Variants in TTC28 observed in about 807,000 individuals in gnomAD.
TTC28 encodes tetratricopeptide repeat protein 28.
TTC28 carries 61 observed loss-of-function variants against 198.0 expected under a neutral mutation model. The observed-to-expected ratio is 0.31, with a 90% CI of 0.25 to 0.38. TTC28 has a LOEUF of 0.38. TTC28 is among the 10% of genes least tolerant of loss of function. The probability of loss-of-function intolerance (pLI) is 1.00; values close to 1 mark genes in which losing one functional copy is unlikely to be tolerated. For synonymous variants in TTC28, 1,171 were observed against 1,297.8 expected (o/e 0.90, Z 2.10); for missense variants, 2,678 against 3,164.0 (o/e 0.85, Z 3.69).
chr22:28,505,640 A>G (rs1455819017), intron 2 of TTC28, among the ~76,000 whole-genome samples: 1 of 152,256 alleles, frequency 6.6e-6, no homozygotes, highest in Non-Finnish European at 1.5e-5. Context: ...TATGTGAAGT[A>G]TCTGCAGAGC....
intron 1 of TTC28, among the ~76,000 whole-genome samples, chr22:28,671,837 G>A (rs143282426): frequency 0.016 from 2,410 of 148,296 alleles, 16 homozygotes; most frequent in Non-Finnish European, 0.023. Context: ...CACCATGCCC[G>A]GCTAATTTTT....
intron 2 of TTC28, among the ~76,000 whole-genome samples, chr22:28,567,259 C>T (rs2049984797): frequency 7.0e-6 from 1 of 143,122 alleles, no homozygotes; most frequent in African/African-American, 2.6e-5. Context: ...CATGGTAACA[C>T]ATGCCTACAA....
intron 2 of TTC28, among the ~76,000 whole-genome samples, chr22:28,575,998 T>C (rs1364190108): frequency 6.6e-6 from 1 of 152,138 alleles, no homozygotes; most frequent in Non-Finnish European, 1.5e-5. Context: ...TATTTCTTTC[T>C]CTTGTCTGAT....
At chr22:28,237,490 G>A (rs1226807010) in intron 5 of TTC28, among the ~76,000 whole-genome samples, 1 of 152,136 alleles carries the variant, frequency 6.6e-6, no homozygotes, top group Non-Finnish European at 1.5e-5. Flanking sequence ...ACTGCTTTAT[G>A]TATAATGTAA....
chr22:28,193,354 G>C (rs1266709081), intron 5 of TTC28, among the ~76,000 whole-genome samples: 1 of 152,164 alleles, frequency 6.6e-6, no homozygotes, highest in Non-Finnish European at 1.5e-5. Flanking sequence ...AAAGACCATT[G>C]ATGCTAGGAA....
intron 2 of TTC28, among the ~76,000 whole-genome samples, chr22:28,401,277 A>G (rs1400588442): frequency 6.6e-6 from 1 of 152,104 alleles, no homozygotes; most frequent in Non-Finnish European, 1.5e-5. Context: ...CAGCTGAACT[A>G]TTTTCAGTGG....
intron 14 of TTC28, chr22:28,001,891 G>A (rs1334027816): frequency 7.6e-6 from 2 of 262,610 alleles, no homozygotes; most frequent in Non-Finnish European, 7.4e-6. Flanking sequence ...GGTGGGAATG[G>A]CCCCTCTCAA....
At chr22:28,490,175 G>C (rs1291344033) in intron 2 of TTC28, among the ~76,000 whole-genome samples, 1 of 152,034 alleles carries the variant, frequency 6.6e-6, no homozygotes, top group Non-Finnish European at 1.5e-5. Flanking sequence ...AATCTCCTTT[G>C]GCAACACCCT....
intron 15 of TTC28, 62 bp from the exon 16 acceptor site, chr22:27,999,322 T>C (rs1421374377): frequency 2.0e-6 from 3 of 1,487,838 alleles, no homozygotes; most frequent in East Asian, 2.5e-5. Flanking sequence ...TGCCCGGCAG[T>C]GGTCGGCCGA....
chr22:28,034,321 G>A (rs902922203), intron 12 of TTC28, among the ~76,000 whole-genome samples: 1 of 152,166 alleles, frequency 6.6e-6, no homozygotes, highest in African/African-American at 2.4e-5. Flanking sequence ...TGGCAAGCTA[G>A]GGAGGCACCA....
intron 14 of TTC28, among the ~76,000 whole-genome samples, chr22:28,004,752 T>G (rs1937866606): frequency 2.0e-5 from 3 of 152,232 alleles, no homozygotes; most frequent in Admixed American, 2.0e-4. Context: ...CCAGGAAACT[T>G]GTCAGCTCTG....
In TTC28 at chr22:27,980,418, T is replaced by A. The variant is rs931831278; in HGVS notation, c.*1803A>T. 6.6e-6 allele frequency: 1 copy of A among 152,248 alleles called. No homozygotes were observed. Among genetic ancestry groups the A allele is most frequent in the Non-Finnish European group, 1.5e-5 (1 of 68,044 alleles). The allele number at this position is 152,248 out of a possible 1,614,324, so 9.4% of individuals were successfully genotyped here. A position where few individuals can be genotyped will look rare whatever the true frequency, so the allele number is the denominator to read the frequency against. The stretch of plus-strand genomic sequence containing the variant: ...TTGTTGGCTTTTGTCAACATGGCTG[T>A]TGGTTAAATTAAAAACCCCTAGGAT... On this transcript the variant is annotated 3_prime_UTR_variant, in exon 23 of 23. Transcript: ENST00000397906.
chr22:28,269,862 T>C (rs896820678), intron 5 of TTC28, among the ~76,000 whole-genome samples: 1 of 152,130 alleles, frequency 6.6e-6, no homozygotes, highest in African/African-American at 2.4e-5. Flanking sequence ...TCAACCTCTA[T>C]AGTGAGAAGA....
At position 28,146,594 on chromosome 22, in the gene TTC28, T is replaced by C. The variant is rs1943474968; in HGVS notation, c.1441+16498A>G. 2.0e-5 allele frequency among the ~76,000 whole-genome samples: 3 copies of C among 152,194 alleles called. 1 individual carries two copies. In the South Asian group the frequency reaches 6.2e-4, roughly 31 times the overall value. Reference sequence around the variant, plus strand: ...GAAGGGCTTGATAACTTTTAGTCCATTACCTTCTGTTTACTGAGTCACAGA... The same window carrying C: ...GAAGGGCTTGATAACTTTTAGTCCACTACCTTCTGTTTACTGAGTCACAGA... On this transcript the variant is annotated intron_variant, in intron 6 of 22. Transcript: ENST00000397906.
At chr22:28,649,270 T>G (rs2051529208) in intron 1 of TTC28, among the ~76,000 whole-genome samples, 1 of 152,208 alleles carries the variant, frequency 6.6e-6, no homozygotes, top group Admixed American at 6.5e-5. Flanking sequence ...GGGTACAATG[T>G]ACACCACTCT....
At chr22:28,640,567 A>AAATAATAATAATAATAATAAT (rs139282856) in intron 1 of TTC28, among the ~76,000 whole-genome samples, 17 of 147,318 alleles carry the variant, frequency 1.2e-4, no homozygotes, top group African/African-American at 3.4e-4. Flanking sequence ...CAAACTGTTA[A>AAATAATAATAATAATAATAAT]AATAATAATA....
In TTC28 at chr22:28,075,680, CTG is replaced by C. The variant is rs142149477; in HGVS notation, c.3932+18398_3932+18399del. On this transcript the variant is annotated intron_variant, in intron 12 of 22. Transcript: ENST00000397906. ...AAACACCATTCAACATCTGGAATGTCTGGGCCCTTTCTTTCCTCCATGCCCTT... is the reference window on the plus strand; with the variant it reads ...AAACACCATTCAACATCTGGAATGTCGGCCCTTTCTTTCCTCCATGCCCTT... Among the ~76,000 whole-genome samples the C allele has an allele frequency of 9.3e-4, 142 of 152,356 alleles. 1 individual carries two copies. The highest frequency in any genetic ancestry group is 3.2e-3 in the African/African-American group (135 of 41,584).
intron 2 of TTC28, among the ~76,000 whole-genome samples, chr22:28,408,134 G>A (rs758958469): frequency 3.4e-4 from 51 of 151,610 alleles, no homozygotes; most frequent in Non-Finnish European, 5.7e-4. Flanking sequence ...CTAGGAAGCC[G>A]ACTTCCTAAG....
chr22:28,561,729 T>G (rs569114889), intron 2 of TTC28, among the ~76,000 whole-genome samples: 2 of 152,204 alleles, frequency 1.3e-5, no homozygotes, highest in Non-Finnish European at 2.9e-5. Context: ...GCCTGGAACA[T>G]TCTTCCATAT....
Sources: allele counts gnomAD v4.1 joint callset (sites outside exome capture counted in the v4.1 genomes callset), GRCh38; gene constraint gnomAD v4.1.1; transcripts MANE v1.5; gene names NCBI Gene and HGNC (gene_info 2026-07-23, HGNC 2026-07-21).